Variants in PARD3B observed in about 807,000 individuals in gnomAD.
PARD3B encodes the protein par-3 family cell polarity regulator beta, also known as partitioning defective 3 homolog B.
In PARD3B, 103 loss-of-function variants were observed where a neutral mutation model predicts 130.2. The ratio of observed to expected loss-of-function variants is 0.79; its 90% CI spans 0.67 to 0.93. The LOEUF (loss-of-function observed/expected upper bound fraction) is 0.93, where lower values mean the gene tolerates loss of function less well. PARD3B is among the 40% of genes least tolerant of loss of function. The pLI is 0.00. For missense variants in PARD3B, 1,609 were observed against 1,499.2 expected (o/e 1.07, Z -1.21); for synonymous variants, 583 against 553.2 (o/e 1.05, Z -0.76).
intron 18 of PARD3B, among the ~76,000 whole-genome samples, chr2:205,392,610 G>A (rs1238170953): frequency 1.3e-5 from 2 of 152,166 alleles, no homozygotes; most frequent in South Asian, 2.1e-4. Context: ...GGATTAATTA[G>A]GAAGATTTTT....
intron 2 of PARD3B, among the ~76,000 whole-genome samples, chr2:204,947,365 T>A (rs74646114): frequency 1.3e-5 from 2 of 151,850 alleles, no homozygotes; most frequent in East Asian, 3.9e-4. Flanking sequence ...TGAAAAGAAC[T>A]CTACATATTC....
intron 10 of PARD3B, among the ~76,000 whole-genome samples, chr2:205,148,494 A>G (rs2033524088): frequency 6.6e-6 from 1 of 152,196 alleles, no homozygotes; most frequent in Non-Finnish European, 1.5e-5. Context: ...TCATGCTTAT[A>G]ATAGCTACCC....
rs849105 is a variant in PARD3B at position 205,145,592 on chromosome 2, C to G, written c.1435-13130C>G. On this transcript the variant is annotated intron_variant, in intron 10 of 22. Coordinates refer to ENST00000406610, the MANE Select transcript of PARD3B (RefSeq NM_001302769.2). ...TGCAGCTCTGTGGCATCTCTCAGACCTTGCTGGTGACCTACAAGGTATCTC... is the reference window on the plus strand; with the variant it reads ...TGCAGCTCTGTGGCATCTCTCAGACGTTGCTGGTGACCTACAAGGTATCTC... Among the ~76,000 whole-genome samples, 1,167 of 152,208 alleles carry G rather than the reference C, an allele frequency of 7.7e-3. 21 individuals are homozygous for G. Among genetic ancestry groups the G allele is most frequent in the African/African-American group, 0.027 (1,102 of 41,510 alleles).
chr2:205,123,001 A>C (rs1284919512), intron 8 of PARD3B, among the ~76,000 whole-genome samples: 1 of 152,248 alleles, frequency 6.6e-6, no homozygotes. Context: ...GAATATAGAA[A>C]AATGAATCAG....
rs574251125 is a variant in PARD3B, at chr2:205,341,874, A to C, written c.2630+40173A>C. Among the ~76,000 whole-genome samples the C allele has an allele frequency of 1.0e-3, 156 of 152,248 alleles. 1 individual carries two copies. The highest frequency in any genetic ancestry group is 3.7e-3 in the African/African-American group (153 of 41,558). ...GTACAATTATTACACATCAACTAAA[A>C]ATAAAAGGAAAAATAGGTAAATAAT... On this transcript the variant is annotated intron_variant, in intron 18 of 22. Coordinates refer to ENST00000406610, the MANE Select transcript of PARD3B (RefSeq NM_001302769.2). The surrounding 1 kb of genome is among the most constrained non-coding windows in gnomAD (Gnocchi z 4.3).
In PARD3B at chr2:205,229,551, G is replaced by T. The variant is rs2038727493; in HGVS notation, c.2141-16227G>T. On this transcript the variant is annotated intron_variant, in intron 15 of 22. Transcript: ENST00000406610. The surrounding 1 kb of genome is among the most constrained non-coding windows in gnomAD (Gnocchi z 5.2). Reference sequence around the variant, plus strand: ...GCTGAGCCACCTAGAACCGGTGTAGGGCTGACACAAGCACCCTGTGGCCAC... The same window carrying T: ...GCTGAGCCACCTAGAACCGGTGTAGTGCTGACACAAGCACCCTGTGGCCAC... Among the ~76,000 whole-genome samples the T allele has an allele frequency of 6.6e-6, 1 of 151,888 alleles. No homozygotes were observed. The highest frequency in any genetic ancestry group is 2.1e-4 in the South Asian group (1 of 4,810).
chr2:205,417,109 G>GTGA (rs1026892213), intron 19 of PARD3B, among the ~76,000 whole-genome samples: 42 of 122,126 alleles, frequency 3.4e-4, no homozygotes, highest in African/African-American at 1.3e-3. Context: ...GCCCCAGTGT[G>GTGA]TGATGTTCCC....
chr2:204,856,101 A>G (rs1430098443), intron 2 of PARD3B, among the ~76,000 whole-genome samples: 3 of 152,148 alleles, frequency 2.0e-5, no homozygotes, highest in South Asian at 2.1e-4. Flanking sequence ...GATAATTTTT[A>G]TATCTTTTAG....
chr2:204,571,482 T>G (rs1166064100), intron 1 of PARD3B, among the ~76,000 whole-genome samples: 1 of 152,132 alleles, frequency 6.6e-6, no homozygotes, highest in Non-Finnish European at 1.5e-5. Context: ...TGTAATTAAC[T>G]GTGTGTATGT....
chr2:204,962,504 G>A (rs1400301863), intron 2 of PARD3B, among the ~76,000 whole-genome samples: 1 of 152,046 alleles, frequency 6.6e-6, no homozygotes, highest in Non-Finnish European at 1.5e-5. Flanking sequence ...AGGAGGGAAG[G>A]CCATTTCCAT....
In PARD3B at chr2:205,288,189, G is replaced by A. The variant is rs2041467968; in HGVS notation, c.2186-12341G>A. On this transcript the variant is annotated intron_variant, in intron 16 of 22. Transcript: ENST00000406610. The surrounding 1 kb of genome is among the most constrained non-coding windows in gnomAD (Gnocchi z 4.0). ...AGGAAGCCTAGGGGTAGCAGGCAGT[G>A]CCCCCTGTCCCGTCCACCCAGACAC... is the stretch of plus-strand genomic sequence containing the variant. 6.6e-6 allele frequency among the ~76,000 whole-genome samples: 1 copy of A among 151,420 alleles called. No individual in the cohort carries two copies. Among genetic ancestry groups the A allele is most frequent in the Admixed American group, 6.6e-5 (1 of 15,242 alleles).
intron 2 of PARD3B, among the ~76,000 whole-genome samples, chr2:204,749,308 A>G (rs1012722879): frequency 2.6e-5 from 4 of 152,194 alleles, no homozygotes; most frequent in African/African-American, 7.2e-5. Flanking sequence ...GGGGCCTTAC[A>G]TATCAATTTT....
chr2:204,591,367 AC>A (rs2033066446), intron 1 of PARD3B, among the ~76,000 whole-genome samples: 1 of 152,182 alleles, frequency 6.6e-6, no homozygotes, highest in Admixed American at 6.5e-5. Flanking sequence ...CCAACCTCTG[AC>A]CCTTTTGTCT....
At chr2:204,749,726 T>G (rs77886206) in intron 2 of PARD3B, among the ~76,000 whole-genome samples, 11,561 of 152,270 alleles carry the variant, frequency 0.076, 570 homozygotes, top group Non-Finnish European at 0.11. Flanking sequence ...ACATGTGGGC[T>G]AACTGGGCTT....
chr2:205,016,292 CA>C (rs1575561807), intron 3 of PARD3B, among the ~76,000 whole-genome samples: 1 of 152,156 alleles, frequency 6.6e-6, no homozygotes, highest in African/African-American at 2.4e-5. Context: ...TCTGCACCTG[CA>C]AAACCTATCT....
At chr2:205,522,094 C>CAAATAATATAA (rs2051090050) in intron 21 of PARD3B, among the ~76,000 whole-genome samples, 2 of 151,056 alleles carry the variant, frequency 1.3e-5, no homozygotes, top group South Asian at 4.2e-4. Flanking sequence ...TTATCTTTAC[C>CAAATAATATAA]AAATAATATA....
chr2:204,591,968 C>G (rs940834745), intron 1 of PARD3B, among the ~76,000 whole-genome samples: 2 of 152,174 alleles, frequency 1.3e-5, no homozygotes, highest in African/African-American at 4.8e-5. Flanking sequence ...ATATGTATTT[C>G]ATAAGGTAGA....
intron 1 of PARD3B, among the ~76,000 whole-genome samples, chr2:204,613,970 G>A (rs1032379696): frequency 7.9e-5 from 12 of 151,898 alleles, no homozygotes; most frequent in Middle Eastern, 3.2e-3. Flanking sequence ...TCTGTCCTTC[G>A]TGATTGGTGG....
At chr2:205,523,103 T>A (rs933649538) in intron 21 of PARD3B, among the ~76,000 whole-genome samples, 1 of 151,650 alleles carries the variant, frequency 6.6e-6, no homozygotes, top group Admixed American at 6.6e-5. Flanking sequence ...AATGTTTAAC[T>A]CATTTCTATC....
Sources: allele counts gnomAD v4.1 joint callset (sites outside exome capture counted in the v4.1 genomes callset), GRCh38; gene constraint gnomAD v4.1.1; non-coding constraint Gnocchi (gnomAD v3.1); transcripts MANE v1.5; gene names NCBI Gene and HGNC (gene_info 2026-07-23, HGNC 2026-07-21).